TTC6: variants seen among roughly 807,000 people sequenced by gnomAD.
TTC6 encodes tetratricopeptide repeat protein 6.
TTC6 carries 172 observed loss-of-function variants against 210.4 expected under a neutral mutation model. That is an observed-to-expected ratio of 0.82 (90% CI 0.72 to 0.93). The LOEUF is 0.93. Among genes scored for constraint, TTC6 ranks in the 40% least tolerant of loss-of-function variants. The probability of loss-of-function intolerance (pLI) is 0.00; values close to 1 mark genes in which losing one functional copy is unlikely to be tolerated. For synonymous variants in TTC6, 804 were observed against 819.6 expected (o/e 0.98, Z 0.32); for missense variants, 2,414 against 2,318.1 (o/e 1.04, Z -0.85).
intron 14 of TTC6, among the ~76,000 whole-genome samples, chr14:37,780,189 TAAATA>T (rs922555641): frequency 6.6e-6 from 1 of 152,228 alleles, no homozygotes; most frequent in African/African-American, 2.4e-5. Context: ...TAATTAAAAA[TAAATA>T]CAAAGCTCTT....
At chr14:37,626,336 T>C (rs1293623445) in intron 1 of TTC6, among the ~76,000 whole-genome samples, 1 of 152,220 alleles carries the variant, frequency 6.6e-6, no homozygotes, top group East Asian at 1.9e-4. Flanking sequence ...GCTTCTGTCA[T>C]GCGTAGTTGT....
Position 37,726,576 on chromosome 14 carries a change from T to C in TTC6, c.1818+1574T>C, listed in dbSNP as rs552999237. 2.1e-3 allele frequency among the ~76,000 whole-genome samples: 320 copies of C among 152,226 alleles called. 1 individual carries two copies. Among genetic ancestry groups the C allele is most frequent in the African/African-American group, 7.1e-3 (294 of 41,534 alleles). ...AATATCTGTGTAGTGTATTTTTTTT[T>C]CCCTTTGTTGGACTTTGCTATCAGA... On this transcript the variant is annotated intron_variant, in intron 7 of 30. Coordinates refer to ENST00000553443, the Ensembl canonical transcript of TTC6.
At chr14:37,841,843 T>C (rs1315308572) in intron 30 of TTC6, 173 bp downstream of exon 32, 5 of 654,850 alleles carry the variant, frequency 7.6e-6, no homozygotes, top group Non-Finnish European at 1.2e-5. Context: ...ATGTAATGTC[T>C]TAACTTAAAG....
At chr14:37,620,211 A>G (rs1280455717), upstream of TTC6, among the ~76,000 whole-genome samples, 2 of 152,160 alleles carry the variant, frequency 1.3e-5, no homozygotes, top group African/African-American at 4.8e-5. Flanking sequence ...TGGGGGATAT[A>G]TACATATATA....
intron 1 of TTC6, among the ~76,000 whole-genome samples, chr14:37,657,194 A>G (rs547429213): frequency 1.8e-4 from 25 of 140,402 alleles, no homozygotes; most frequent in Non-Finnish European, 3.2e-4. Context: ...CCTGGGCAAC[A>G]TGAGCGAAAC....
intron 3 of TTC6, among the ~76,000 whole-genome samples, chr14:37,683,471 C>A (rs562667483): frequency 3.9e-5 from 6 of 152,152 alleles, no homozygotes; most frequent in Non-Finnish European, 7.4e-5. Context: ...TTCCTCTTAT[C>A]CTTGGCTTTA....
intron 29 of TTC6, among the ~76,000 whole-genome samples, chr14:37,837,170 T>C (rs1324281311): frequency 6.6e-6 from 1 of 152,234 alleles, no homozygotes; most frequent in African/African-American, 2.4e-5. Context: ...TTGGAAGCTA[T>C]AGTAGAAAGT....
At chr14:37,742,432 A>G (rs560618353) in intron 10 of TTC6, among the ~76,000 whole-genome samples, 5 of 151,630 alleles carry the variant, frequency 3.3e-5, no homozygotes, top group Admixed American at 2.0e-4. Flanking sequence ...TTTTTGAGAC[A>G]TGGTTTCATT....
rs34169689 is a variant in TTC6 at position 37,657,349 on chromosome 14, TAAA to T, written c.940-22788_940-22786del. 5.7e-3 allele frequency among the ~76,000 whole-genome samples: 801 copies of T among 139,434 alleles called. 4 individuals are homozygous for T. Among genetic ancestry groups the T allele is most frequent in the African/African-American group, 0.019 (714 of 37,784 alleles). 91.5% of individuals were successfully genotyped at this position (139,434 alleles called of 152,430 possible). On this transcript the variant is annotated intron_variant, in intron 1 of 30. Transcript: ENST00000553443. Reference sequence around the variant, plus strand: ...GTGGAAGTTTTGGAAGCTTTCTATTTAAAAAAAAAAAAAAAAGACCATTTCCAT... The same window carrying T: ...GTGGAAGTTTTGGAAGCTTTCTATTTAAAAAAAAAAAAAGACCATTTCCAT...
chr14:37,656,727 G>C (rs2095724225), intron 1 of TTC6, among the ~76,000 whole-genome samples: 1 of 152,084 alleles, frequency 6.6e-6, no homozygotes, highest in Admixed American at 6.5e-5. Context: ...TTTAGAAGGT[G>C]AGAGAAAGGA....
intron 1 of TTC6, among the ~76,000 whole-genome samples, chr14:37,660,664 A>G (rs2095735531): frequency 6.6e-6 from 1 of 152,130 alleles, no homozygotes; most frequent in Admixed American, 6.5e-5. Context: ...GTGTGCATGT[A>G]CCTTTGTAAT....
exon 16 of TTC6, chr14:37,790,746 G>A (rs1447730596): frequency 2.6e-6 from 4 of 1,534,132 alleles, no homozygotes; most frequent in Non-Finnish European, 3.5e-6. Context: ...TGAGAATCTT[G>A]GTTGTTTTCT....
At chr14:37,701,870 A>C (rs1191803499) in intron 5 of TTC6, among the ~76,000 whole-genome samples, 2 of 152,208 alleles carry the variant, frequency 1.3e-5, no homozygotes, top group Non-Finnish European at 2.9e-5. Flanking sequence ...GACAATTTAA[A>C]AAATCACAGA....
intron 5 of TTC6, among the ~76,000 whole-genome samples, chr14:37,706,362 C>T (rs1247464861): frequency 1.3e-5 from 2 of 152,000 alleles, no homozygotes; most frequent in African/African-American, 4.8e-5. Context: ...CTTCTCAGTC[C>T]CTCCTCCTGG....
intron 1 of TTC6, among the ~76,000 whole-genome samples, chr14:37,651,411 ATATATATATATATATTTTTTTT>A (rs1213787172): frequency 3.1e-4 from 8 of 26,218 alleles, no homozygotes; most frequent in South Asian, 1.7e-3. Context: ...ATATATATAT[ATATATATATATATATTTTTTTT>A]TTTTTTTTTT....
chr14:37,702,723 A>G (rs2095827879), intron 5 of TTC6, among the ~76,000 whole-genome samples: 1 of 152,294 alleles, frequency 6.6e-6, no homozygotes, highest in South Asian at 2.1e-4. Context: ...ATTAGTACCC[A>G]TACTTTTCAT....
chr14:37,752,091 G>C (rs11850684), intron 13 of TTC6, among the ~76,000 whole-genome samples: 4 of 151,838 alleles, frequency 2.6e-5, no homozygotes, highest in South Asian at 4.1e-4. Flanking sequence ...TCCCAAAGTG[G>C]TGGGGTTACA....
chr14:37,801,218 G>A (rs2096105892), intron 20 of TTC6, among the ~76,000 whole-genome samples: 1 of 152,164 alleles, frequency 6.6e-6, no homozygotes, highest in Admixed American at 6.5e-5. Context: ...GAGGAATTGT[G>A]TCCCAAGAGT....
chr14:37,599,080 G>A (rs2095610220), intron 1 of TTC6, among the ~76,000 whole-genome samples: 1 of 152,188 alleles, frequency 6.6e-6, no homozygotes, highest in African/African-American at 2.4e-5. Context: ...GGCCTGGGAC[G>A]CTGGAAACAA....
Sources: gnomAD v4.1 joint callset for allele counts (sites outside exome capture counted in the v4.1 genomes callset) on GRCh38, gnomAD v4.1.1 for gene constraint, MANE v1.5 for transcripts, NCBI Gene and HGNC (gene_info 2026-07-23, HGNC 2026-07-21) for gene names.